The following SLC3A1 variants were observed in gnomAD, a reference collection of about 807,000 sequenced individuals.
SLC3A1 encodes the protein solute carrier family 3 member 1.
Under a neutral mutation model 60.3 loss-of-function variants are expected in SLC3A1, and 78 were observed. The ratio of observed to expected loss-of-function variants is 1.29; its 90% CI spans 1.08 to 1.56. The LOEUF is 1.56. Ranked by LOEUF, SLC3A1 falls within the 40% of genes most tolerant of loss-of-function variation. The pLI is 0.00. For synonymous variants in SLC3A1, 392 were observed against 307.9 expected (o/e 1.27, Z -2.86); for missense variants, 1,172 against 858.9 (o/e 1.36, Z -4.56).
intron 7 of SLC3A1, among the ~76,000 whole-genome samples, chr2:44,310,113 T>A (rs1252904326): frequency 6.6e-6 from 1 of 151,432 alleles, no homozygotes; most frequent in Non-Finnish European, 1.5e-5. Flanking sequence ...AAGCTGGTCT[T>A]GAACTCCTGA....
At chr2:44,276,032 C>CAGAACCATA (rs1044332302) in intron 1 of SLC3A1, 67 bp downstream of exon 1, 2 of 1,433,210 alleles carry the variant, frequency 1.4e-6, no homozygotes, top group Non-Finnish European at 2.0e-6. Context: ...TTTTGTTCTT[C>CAGAACCATA]AGAACCAAAT....
chr2:44,281,158 G>GT (rs1671489747), intron 2 of SLC3A1, among the ~76,000 whole-genome samples: 2 of 56,290 alleles, frequency 3.6e-5, no homozygotes, highest in Non-Finnish European at 6.6e-5. Flanking sequence ...TCCTTTCCCT[G>GT]CTTTTTTTTT....
At chr2:44,321,632 G>A (rs987192179), downstream of SLC3A1, 6 of 1,490,316 alleles carry the variant, frequency 4.0e-6, no homozygotes, top group African/African-American at 5.7e-5. Context: ...CTTTAACAGA[G>A]CTCACGTATC....
chr2:44,304,538 A>G (rs1006097397), intron 7 of SLC3A1, among the ~76,000 whole-genome samples, 200 bp downstream of exon 7: 8 of 152,334 alleles, frequency 5.3e-5, no homozygotes, highest in Middle Eastern at 6.8e-3. Flanking sequence ...AATGGAATGA[A>G]TATTGAATGA....
chr2:44,285,997 T>C (rs1176474982), intron 3 of SLC3A1, 35 bp from the exon 4 acceptor site: 2 of 1,613,600 alleles, frequency 1.2e-6, no homozygotes, highest in African/African-American at 2.7e-5. Context: ...AATACCATTA[T>C]AGGTCACTGA....
At position 44,312,636 on chromosome 2, in the gene SLC3A1, T is replaced by C. The variant is rs769816876; in HGVS notation, c.1383T>C (p.Tyr461=). The C allele has an allele frequency of 2.0e-5, 33 of 1,614,042 alleles. No homozygotes were observed. In the East Asian group the frequency reaches 4.7e-4, roughly 23 times the overall value. Residue 461 remains tyrosine, a synonymous_variant, in exon 8 of 10, where the codon TAT becomes TAC. Coordinates refer to ENST00000260649, the MANE Select transcript of SLC3A1 (RefSeq NM_000341.4). Reference sequence around the variant, plus strand: ...TGACTTCGCGTTTGGGGAATCAGTATGTCAACGTGATGAACATGCTTCTTT... The same window carrying C: ...TGACTTCGCGTTTGGGGAATCAGTACGTCAACGTGATGAACATGCTTCTTT... ...SRLTSRLGNQ[Y]VNVMNMLLFT...
intron 9 of SLC3A1, 42 bp from the exon 10 acceptor site, chr2:44,320,157 T>G: frequency 1.3e-6 from 2 of 1,497,084 alleles, no homozygotes; most frequent in Non-Finnish European, 1.8e-6. Context: ...CAAACAATTC[T>G]TAGAATCAAA....
At chr2:44,279,059 C>G (rs888614833) in intron 1 of SLC3A1, among the ~76,000 whole-genome samples, 1 of 151,150 alleles carries the variant, frequency 6.6e-6, no homozygotes, top group African/African-American at 2.4e-5. Context: ...AGTGCAGTGG[C>G]ACAATCTCAC....
chr2:44,296,881 A>G (rs1018300503), intron 4 of SLC3A1, among the ~76,000 whole-genome samples: 18 of 152,140 alleles, frequency 1.2e-4, no homozygotes, highest in Non-Finnish European at 2.1e-4. Context: ...TGATGGTTTT[A>G]TAAGTGGGAG....
At chr2:44,277,705 G>C (rs374751109) in intron 1 of SLC3A1, among the ~76,000 whole-genome samples, 32 of 152,158 alleles carry the variant, frequency 2.1e-4, no homozygotes, top group Middle Eastern at 3.2e-3. Flanking sequence ...CCTAAATCCA[G>C]AGATATGTTT....
intron 9 of SLC3A1, chr2:44,314,708 A>C (rs924083725): frequency 6.5e-6 from 1 of 152,726 alleles, no homozygotes; most frequent in African/African-American, 2.4e-5. Context: ...GCTCCCTGCT[A>C]CAAGCACCAC....
At chr2:44,320,028 G>A in intron 9 of SLC3A1, 171 bp from the exon 10 acceptor site, 1 of 616,126 alleles carries the variant, frequency 1.6e-6, no homozygotes, top group Non-Finnish European at 2.8e-6. Flanking sequence ...ATTTCTATCA[G>A]TTTTTATATA....
At chr2:44,307,016 C>T (rs193217794) in intron 7 of SLC3A1, among the ~76,000 whole-genome samples, 6 of 152,164 alleles carry the variant, frequency 3.9e-5, no homozygotes, top group Non-Finnish European at 7.4e-5. Flanking sequence ...CCCTCTCTGT[C>T]CTCAGTCTCT....
At chr2:44,290,647 G>A (rs566493226) in intron 4 of SLC3A1, among the ~76,000 whole-genome samples, 15 of 148,024 alleles carry the variant, frequency 1.0e-4, no homozygotes, top group African/African-American at 2.0e-4. Flanking sequence ...TACTTCTTTC[G>A]TTAAATGTAT....
intron 8 of SLC3A1, 70 bp downstream of exon 8, chr2:44,312,823 A>G (rs144203404): frequency 3.2e-4 from 425 of 1,339,774 alleles, no homozygotes; most frequent in Non-Finnish European, 4.1e-4. Flanking sequence ...TTTTTTGCCA[A>G]ATCAGAGAAC....
intron 1 of SLC3A1, among the ~76,000 whole-genome samples, chr2:44,280,181 A>AT (rs1258759232): frequency 1.3e-5 from 2 of 152,028 alleles, no homozygotes; most frequent in Non-Finnish European, 2.9e-5. Context: ...AGTCACAGAG[A>AT]TTTTTTTTAA....
intron 6 of SLC3A1, 115 bp from the exon 7 acceptor site, chr2:44,304,028 G>C: frequency 6.1e-6 from 5 of 823,884 alleles, no homozygotes; most frequent in Non-Finnish European, 1.1e-5. Flanking sequence ...GTCCTATATG[G>C]TTAATAGTGT....
intron 9 of SLC3A1, among the ~76,000 whole-genome samples, chr2:44,315,503 CAAAAAA>C (rs11324145): frequency 7.5e-6 from 1 of 132,714 alleles, no homozygotes; most frequent in Non-Finnish European, 1.6e-5. Flanking sequence ...CTACCCCCGC[CAAAAAA>C]AAAAAAAAAG....
At chr2:44,281,792 CCCTT>C (rs537330487) in intron 3 of SLC3A1, among the ~76,000 whole-genome samples, 291 of 152,134 alleles carry the variant, frequency 1.9e-3, no homozygotes, top group African/African-American at 6.7e-3. Context: ...TCTCCTTCCA[CCCTT>C]CCTTCACTTC....
Sources: gnomAD v4.1 joint callset for allele counts (sites outside exome capture counted in the v4.1 genomes callset) on GRCh38, gnomAD v4.1.1 for gene constraint, MANE v1.5 for transcripts, NCBI Gene and HGNC (gene_info 2026-07-23, HGNC 2026-07-21) for gene names.